The following CSMD1 variants were observed in gnomAD, a reference collection of about 807,000 sequenced individuals.
CSMD1 encodes the protein CUB and Sushi multiple domains 1, also known as CUB and sushi domain-containing protein 1.
A neutral mutation model predicts 417.5 loss-of-function variants in CSMD1; 213 were observed. That is an observed-to-expected ratio of 0.51 (90% CI 0.46 to 0.57). CSMD1 has a LOEUF of 0.57. Ranked by LOEUF, CSMD1 falls within the 20% of genes least tolerant of loss-of-function variation. The probability of loss-of-function intolerance (pLI) is 0.00; values close to 1 mark genes in which losing one functional copy is unlikely to be tolerated. For missense variants in CSMD1, 6,923 were observed against 4,529.7 expected (o/e 1.53, Z -15.17); for synonymous variants, 2,862 against 1,736.8 (o/e 1.65, Z -16.11).
chr8:4,100,466 TG>T (rs1440452237), intron 3 of CSMD1, among the ~76,000 whole-genome samples: 11 of 152,170 alleles, frequency 7.2e-5, no homozygotes, highest in African/African-American at 2.7e-4. Context: ...CTCCAAATGT[TG>T]CTTAACTTTT....
intron 1 of CSMD1, among the ~76,000 whole-genome samples, chr8:4,946,167 T>G (rs1808355122): frequency 1.3e-5 from 2 of 152,144 alleles, no homozygotes. Context: ...ATTAAAAACT[T>G]TGATACTCCG....
intron 7 of CSMD1, among the ~76,000 whole-genome samples, chr8:3,701,702 A>G (rs947938271): frequency 2.6e-5 from 4 of 152,302 alleles, no homozygotes; most frequent in African/African-American, 9.6e-5. Flanking sequence ...CAGTCAGGGT[A>G]TTTACAAAAG....
chr8:3,811,662 C>T lies in CSMD1; in HGVS notation c.819-57620G>A, dbSNP rs376994496. On this transcript the variant is annotated intron_variant, in intron 5 of 69. Transcript: ENST00000635120. ...AGGCCATTCCTTGCCACCATCTATG[C>T]CAGGAATCAATATTCAATACTAGAT... 2.0e-3 allele frequency among the ~76,000 whole-genome samples: 300 copies of T among 152,136 alleles called. 1 individual carries two copies. Among genetic ancestry groups the T allele is most frequent in the African/African-American group, 6.9e-3 (285 of 41,516 alleles).
intron 5 of CSMD1, among the ~76,000 whole-genome samples, chr8:3,779,151 G>GTGTC (rs1438715596): frequency 5.6e-5 from 2 of 35,420 alleles, no homozygotes; most frequent in Admixed American, 6.6e-4. Flanking sequence ...GTGCATACTT[G>GTGTC]TGTGTGTGTG....
intron 1 of CSMD1, among the ~76,000 whole-genome samples, chr8:4,885,016 C>A (rs956562133): frequency 6.6e-6 from 1 of 151,988 alleles, no homozygotes; most frequent in African/African-American, 2.4e-5. Flanking sequence ...TTCTTTAATT[C>A]TTTTAAACAA....
At chr8:4,874,133 G>C (rs552156129) in intron 1 of CSMD1, among the ~76,000 whole-genome samples, 47 of 152,142 alleles carry the variant, frequency 3.1e-4, no homozygotes, top group African/African-American at 1.1e-3. Context: ...GCTACTGATA[G>C]ATAACTTTAT....
chr8:3,558,553 T>A (rs912194696), intron 10 of CSMD1, among the ~76,000 whole-genome samples: 11 of 146,448 alleles, frequency 7.5e-5, no homozygotes, highest in Non-Finnish European at 1.0e-4. Flanking sequence ...GTCTCAATGG[T>A]ACCCCGTGTC....
chr8:4,538,174 C>G (rs1231151957), intron 2 of CSMD1, among the ~76,000 whole-genome samples: 2 of 146,526 alleles, frequency 1.4e-5, no homozygotes, highest in Non-Finnish European at 3.0e-5. Flanking sequence ...GTGTAACATG[C>G]AACTGGAGGT....
intron 3 of CSMD1, among the ~76,000 whole-genome samples, chr8:4,034,674 G>C (rs1797524506): frequency 6.6e-6 from 1 of 152,126 alleles, no homozygotes; most frequent in South Asian, 2.1e-4. Context: ...GTGAGAAAGG[G>C]AGTGATTAAA....
chr8:4,616,221 G>C (rs1418259625), intron 2 of CSMD1, among the ~76,000 whole-genome samples: 1 of 152,076 alleles, frequency 6.6e-6, no homozygotes, highest in East Asian at 1.9e-4. Context: ...ACTTTACTTA[G>C]GAGCACTTTG....
chr8:4,400,575 T>G (rs1356446685), intron 3 of CSMD1, among the ~76,000 whole-genome samples: 2 of 152,236 alleles, frequency 1.3e-5, no homozygotes, highest in Non-Finnish European at 2.9e-5. Flanking sequence ...CAGCCATTAC[T>G]TTCATTAGAG....
Position 3,661,144 on chromosome 8 carries a change from A to G in CSMD1, c.1010-44347T>C, listed in dbSNP as rs114671515. On this transcript the variant is annotated intron_variant, in intron 7 of 69. Transcript: ENST00000635120. ...AAATATAGCCTGAGGAGAACTCCGTACTTTCGTATATGACTCCTTGTGGAT... is the reference window on the plus strand; with the variant it reads ...AAATATAGCCTGAGGAGAACTCCGTGCTTTCGTATATGACTCCTTGTGGAT... 7.6e-3 allele frequency among the ~76,000 whole-genome samples: 1,155 copies of G among 152,314 alleles called. 15 individuals are homozygous for G. Among genetic ancestry groups the G allele is most frequent in the African/African-American group, 0.026 (1,097 of 41,576 alleles).
At chr8:4,621,987 T>C (rs1043989368) in intron 2 of CSMD1, among the ~76,000 whole-genome samples, 8 of 151,934 alleles carry the variant, frequency 5.3e-5, no homozygotes, top group Admixed American at 3.3e-4. Flanking sequence ...TTATTCATAA[T>C]AAAACCCTCA....
chr8:4,898,844 T>A (rs1433024747), intron 1 of CSMD1, among the ~76,000 whole-genome samples: 2 of 152,170 alleles, frequency 1.3e-5, no homozygotes, highest in African/African-American at 4.8e-5. Flanking sequence ...AGGACAGAAA[T>A]GACAGTGTGG....
intron 23 of CSMD1, among the ~76,000 whole-genome samples, chr8:3,310,586 A>G (rs1291061208): frequency 6.6e-6 from 1 of 152,226 alleles, no homozygotes; most frequent in African/African-American, 2.4e-5. Context: ...ACAATTGGAA[A>G]TAACCATTAG....
intron 10 of CSMD1, among the ~76,000 whole-genome samples, chr8:3,531,763 G>T (rs1339150103): frequency 6.6e-6 from 1 of 152,226 alleles, no homozygotes; most frequent in Non-Finnish European, 1.5e-5. Flanking sequence ...AGAGCAGCCT[G>T]GAAGATCGGG....
At chr8:3,562,588 T>C (rs1163864817) in intron 10 of CSMD1, among the ~76,000 whole-genome samples, 1 of 152,182 alleles carries the variant, frequency 6.6e-6, no homozygotes, top group Non-Finnish European at 1.5e-5. Flanking sequence ...GCTTATTTTT[T>C]TAACTCAGTA....
At chr8:4,768,836 A>G (rs1439815258) in intron 1 of CSMD1, among the ~76,000 whole-genome samples, 3 of 152,198 alleles carry the variant, frequency 2.0e-5, no homozygotes, top group African/African-American at 4.8e-5. Flanking sequence ...GTTATTATTC[A>G]TATGGGAAGG....
chr8:4,484,187 G>A lies in CSMD1; in HGVS notation c.303-64122C>T, dbSNP rs150473596. On this transcript the variant is annotated intron_variant, in intron 2 of 69. Coordinates refer to ENST00000635120, the MANE Select transcript of CSMD1 (RefSeq NM_033225.6). Reference sequence around the variant, plus strand: ...TTATCAGTGGAGTGATTGGACTGCAGCTTGGATGACACGAAAAAAAAAAAA... The same window carrying A: ...TTATCAGTGGAGTGATTGGACTGCAACTTGGATGACACGAAAAAAAAAAAA... Among the ~76,000 whole-genome samples, 1,101 of 148,868 alleles carry A rather than the reference G, an allele frequency of 7.4e-3. 12 individuals are homozygous for A. Among genetic ancestry groups the A allele is most frequent in the African/African-American group, 0.025 (1,019 of 40,236 alleles).
Sources: allele counts gnomAD v4.1 joint callset (sites outside exome capture counted in the v4.1 genomes callset), GRCh38; gene constraint gnomAD v4.1.1; transcripts MANE v1.5; gene names NCBI Gene and HGNC (gene_info 2026-07-23, HGNC 2026-07-21).